CYSLTR2: variants seen among roughly 807,000 people sequenced by gnomAD.
CYSLTR2 encodes the protein cysteinyl leukotriene receptor 2, also known as G-protein coupled receptor GPCR21.
For synonymous variants in CYSLTR2, 179 were observed against 160.8 expected (o/e 1.11, Z -0.86); for missense variants, 398 against 411.9 (o/e 0.97, Z 0.29).
At chr13:48,657,911 G>A (rs1262690981) in intron 1 of CYSLTR2, among the ~76,000 whole-genome samples, 1 of 151,970 alleles carries the variant, frequency 6.6e-6, no homozygotes, top group Non-Finnish European at 1.5e-5. Context: ...GTCAAGTCAA[G>A]GCTTTTAGGG....
At position 48,709,881 on chromosome 13, in the gene CYSLTR2, C is replaced by G. The variant is rs1247467246; in HGVS notation, c.*2023C>G. 1 of 152,110 alleles carries G rather than the reference C, an allele frequency of 6.6e-6. No homozygotes were observed. The highest frequency in any genetic ancestry group is 1.5e-5 in the Non-Finnish European group (1 of 68,016). The allele number at this position is 152,110 out of a possible 1,614,324, so 9.4% of individuals were successfully genotyped here. A position where few individuals can be genotyped will look rare whatever the true frequency, so the allele number is the denominator to read the frequency against. On this transcript the variant is annotated 3_prime_UTR_variant, in exon 5 of 5. Coordinates refer to ENST00000682523, the MANE Select transcript of CYSLTR2 (RefSeq NM_001308476.3). ...AAGTCATTCATGTTGGAGCAGGACT[C>G]TTAAAGGACTCTAGGAGAGATGTCT... is the stretch of plus-strand genomic sequence containing the variant.
In CYSLTR2 at chr13:48,707,813, T is replaced by C. The variant is rs1258373271; in HGVS notation, c.996T>C (p.Cys332=). 1 of 1,546,472 alleles carries C rather than the reference T, an allele frequency of 6.5e-7. No homozygotes were observed. The highest frequency in any genetic ancestry group is 2.0e-5 in the Admixed American group (1 of 50,440). Residue 332 remains cysteine (C), a synonymous_variant, in exon 5 of 5, where the codon TGT becomes TGC. Coordinates refer to ENST00000682523, the MANE Select transcript of CYSLTR2 (RefSeq NM_001308476.3). The part of the protein sequence containing the change: ...KGHPQKAKTK[C]VFPVSVWLRK... The stretch of plus-strand genomic sequence containing the variant: ...ATCCACAGAAGGCAAAGACAAAGTG[T>C]GTTTTCCCTGTTAGTGTGTGGTTGA...
At chr13:48,700,801 C>CTTATCCTTAAGCTGATAAGCTGAT (rs1954321244) in intron 4 of CYSLTR2, among the ~76,000 whole-genome samples, 2 of 152,226 alleles carry the variant, frequency 1.3e-5, no homozygotes, top group Non-Finnish European at 2.9e-5. Context: ...TAAGCAACTT[C>CTTATCCTTAAGCTGATAAGCTGAT]AGCAAAGTCT....
At chr13:48,664,174 C>T (rs774254899) in intron 1 of CYSLTR2, among the ~76,000 whole-genome samples, 6 of 151,908 alleles carry the variant, frequency 3.9e-5, no homozygotes, top group Non-Finnish European at 7.4e-5. Context: ...AGATAAATCC[C>T]ACTTGATCAT....
chr13:48,675,269 C>G (rs1953563117), intron 1 of CYSLTR2, among the ~76,000 whole-genome samples: 1 of 152,210 alleles, frequency 6.6e-6, no homozygotes. Flanking sequence ...GTGCTCTGTC[C>G]CAGAGAGATG....
intron 1 of CYSLTR2, among the ~76,000 whole-genome samples, chr13:48,670,533 A>T (rs1290105125): frequency 3.3e-5 from 5 of 152,174 alleles, no homozygotes. Flanking sequence ...ATTAAATAGG[A>T]AATCCCTTCC....
chr13:48,696,851 T>A (rs1954200946), intron 4 of CYSLTR2, among the ~76,000 whole-genome samples: 2 of 152,238 alleles, frequency 1.3e-5, no homozygotes, highest in South Asian at 2.1e-4. Context: ...ATCCCGCACA[T>A]GGCTCGGAGG....
chr13:48,677,489 G>T (rs191807399), intron 1 of CYSLTR2, among the ~76,000 whole-genome samples: 2 of 152,180 alleles, frequency 1.3e-5, no homozygotes, highest in African/African-American at 4.8e-5. Flanking sequence ...CAGCTACAGA[G>T]TGGGAAGGTT....
At chr13:48,700,218 A>G (rs1030743295) in intron 4 of CYSLTR2, among the ~76,000 whole-genome samples, 2 of 152,334 alleles carry the variant, frequency 1.3e-5, no homozygotes, top group Admixed American at 6.5e-5. Context: ...CACAACAACA[A>G]AAGAGAATTT....
intron 1 of CYSLTR2, among the ~76,000 whole-genome samples, chr13:48,667,900 AC>A (rs1380913342): frequency 6.6e-6 from 1 of 152,182 alleles, no homozygotes; most frequent in East Asian, 1.9e-4. Context: ...AAAAACCGCA[AC>A]AGAGTGGTTA....
intron 1 of CYSLTR2, among the ~76,000 whole-genome samples, chr13:48,669,284 T>C (rs1389608092): frequency 6.9e-6 from 1 of 145,288 alleles, no homozygotes; most frequent in Non-Finnish European, 1.5e-5. Context: ...GTTTCCTGAC[T>C]TTTTTTTTTT....
At chr13:48,673,562 T>C (rs909665402) in intron 1 of CYSLTR2, among the ~76,000 whole-genome samples, 7 of 151,772 alleles carry the variant, frequency 4.6e-5, no homozygotes, top group African/African-American at 1.7e-4. Flanking sequence ...CCAATGGGTC[T>C]TGACTCTTTA....
At chr13:48,690,784 G>A (rs1383379612) in intron 1 of CYSLTR2, among the ~76,000 whole-genome samples, 2 of 152,178 alleles carry the variant, frequency 1.3e-5, no homozygotes, top group African/African-American at 2.4e-5. Flanking sequence ...GAGTTAGGGA[G>A]GAGTCCCTCT....
chr13:48,680,541 A>C (rs993275969), intron 1 of CYSLTR2, among the ~76,000 whole-genome samples: 3 of 152,084 alleles, frequency 2.0e-5, no homozygotes, highest in African/African-American at 7.2e-5. Flanking sequence ...TTGTTTAATT[A>C]CCAGCAAAGC....
At chr13:48,672,616 CTTT>C (rs71076039) in intron 1 of CYSLTR2, among the ~76,000 whole-genome samples, 19,434 of 119,608 alleles carry the variant, frequency 0.16, 1,526 homozygotes, top group African/African-American at 0.27. Context: ...CTTTTCTTTT[CTTT>C]TTTTTTTTTT....
At position 48,709,740 on chromosome 13, in the gene CYSLTR2, A is replaced by G. The variant is rs536724009; in HGVS notation, c.*1882A>G. 1.3e-5 allele frequency: 2 copies of G among 152,240 alleles called. No homozygotes were observed. Among genetic ancestry groups the G allele is most frequent in the African/African-American group, 2.4e-5 (1 of 41,456 alleles). 9.4% of individuals were successfully genotyped at this position (152,240 alleles called of 1,614,324 possible). On this transcript the variant is annotated 3_prime_UTR_variant, in exon 5 of 5. Coordinates refer to ENST00000682523, the MANE Select transcript of CYSLTR2 (RefSeq NM_001308476.3). The stretch of plus-strand genomic sequence containing the variant: ...CCTTTTGAGTATAAAAGATCCTCCA[A>G]AATAAGAGATTAAACCAAGATAGAG...
At chr13:48,674,448 G>A (rs117120050) in intron 1 of CYSLTR2, among the ~76,000 whole-genome samples, 2,467 of 152,082 alleles carry the variant, frequency 0.016, 42 homozygotes, top group Middle Eastern at 0.034. Context: ...TAAAGTTCTC[G>A]TGCTGTGTTC....
intron 4 of CYSLTR2, among the ~76,000 whole-genome samples, chr13:48,697,204 C>T (rs1954214550): frequency 6.6e-6 from 1 of 152,198 alleles, no homozygotes; most frequent in Non-Finnish European, 1.5e-5. Context: ...AATGGACAGA[C>T]TGCCTCCTCA....
intron 1 of CYSLTR2, among the ~76,000 whole-genome samples, chr13:48,669,678 T>C (rs1260794622): frequency 1.3e-5 from 2 of 152,240 alleles, no homozygotes; most frequent in East Asian, 1.9e-4. Flanking sequence ...CAGTCTATCA[T>C]TGATGGGCTT....
Sources: gnomAD v4.1 joint callset for allele counts (sites outside exome capture counted in the v4.1 genomes callset) on GRCh38, gnomAD v4.1.1 for gene constraint, MANE v1.5 for transcripts, NCBI Gene and HGNC (gene_info 2026-07-23, HGNC 2026-07-21) for gene names.